Variants in SEC22C observed in about 807,000 individuals in gnomAD.
SEC22C encodes the protein SEC22 homolog C, vesicle trafficking protein.
Under a neutral mutation model 34.7 loss-of-function variants are expected in SEC22C, and 29 were observed. The observed-to-expected ratio is 0.84, with a 90% CI of 0.62 to 1.14. The LOEUF (loss-of-function observed/expected upper bound fraction) is 1.14, where lower values mean the gene tolerates loss of function less well. SEC22C is among the 50% of genes most tolerant of loss of function. SEC22C has a pLI of 0.00. For missense variants in SEC22C, 337 were observed against 369.0 expected (o/e 0.91, Z 0.71); for synonymous variants, 117 against 132.8 (o/e 0.88, Z 0.82).
intron 1 of SEC22C, among the ~76,000 whole-genome samples, chr3:42,580,805 TA>T (rs1704289196): frequency 1.3e-5 from 2 of 152,214 alleles, no homozygotes; most frequent in Non-Finnish European, 2.9e-5. Flanking sequence ...TCCCTTTCTC[TA>T]AAATAATTTC....
intron 4 of SEC22C, among the ~76,000 whole-genome samples, chr3:42,558,359 A>AT (rs1702666638): frequency 1.3e-5 from 2 of 151,318 alleles, no homozygotes; most frequent in Admixed American, 1.3e-4. Flanking sequence ...ATGGTGACGC[A>AT]TACCTGTAGT....
upstream of SEC22C, among the ~76,000 whole-genome samples, chr3:42,583,619 T>C (rs1350694208): frequency 1.3e-5 from 2 of 152,166 alleles, no homozygotes; most frequent in African/African-American, 2.4e-5. Context: ...TGGGGGAACA[T>C]TACTTCTGGG....
chr3:42,594,287 C>T (rs1402130248), intron 1 of SEC22C: 11 of 649,458 alleles, frequency 1.7e-5, no homozygotes, highest in Non-Finnish European at 2.2e-5. Context: ...ATATGTTAAA[C>T]AAGAAGGTTG....
rs1017126577 is a variant in SEC22C at position 42,552,652 on chromosome 3, C to T, written c.*596G>A. ...CATTTTCTCAGCTTAAGTTTGCCCT[C>T]ACCCTAAATGAAGTCCAATTTATAT... On this transcript the variant is annotated 3_prime_UTR_variant, in exon 7 of 7. Coordinates refer to ENST00000264454, the MANE Select transcript of SEC22C (RefSeq NM_032970.4). The T allele has an allele frequency of 1.0e-6, 1 of 983,970 alleles. No homozygotes were observed. Among genetic ancestry groups the T allele is most frequent in the Non-Finnish European group, 1.2e-6 (1 of 828,712 alleles). 61.0% of individuals were successfully genotyped at this position (983,970 alleles called of 1,614,324 possible).
At chr3:42,570,322 C>G (rs1225874056) in intron 1 of SEC22C, among the ~76,000 whole-genome samples, 1 of 152,178 alleles carries the variant, frequency 6.6e-6, no homozygotes, top group Non-Finnish European at 1.5e-5. Context: ...GCTAGAAGTA[C>G]TTTCTCCCTC....
chr3:42,550,252 T>C lies in SEC22C; in HGVS notation c.*2996A>G, dbSNP rs1702183143. 1.0e-6 allele frequency: 1 copy of C among 985,356 alleles called. No individual in the cohort carries two copies. Among genetic ancestry groups the C allele is most frequent in the Non-Finnish European group, 1.2e-6 (1 of 829,952 alleles). The allele number at this position is 985,356 out of a possible 1,614,324, so 61.0% of individuals were successfully genotyped here. ...CTAAAGTTTTGTTTTCAACATTATT[T>C]CATCTATTCCCAGATCTAGTCCAGT... is the stretch of plus-strand genomic sequence containing the variant. On this transcript the variant is annotated 3_prime_UTR_variant, in exon 7 of 7. Coordinates refer to ENST00000264454, the MANE Select transcript of SEC22C (RefSeq NM_032970.4).
chr3:42,560,005 T>G (rs1702776039), intron 4 of SEC22C, among the ~76,000 whole-genome samples: 1 of 151,660 alleles, frequency 6.6e-6, no homozygotes, highest in African/African-American at 2.4e-5. Flanking sequence ...TCCAGCCCCC[T>G]GTCCAACGCT....
At chr3:42,565,934 A>C in intron 2 of SEC22C, 2 of 453,734 alleles carry the variant, frequency 4.4e-6, no homozygotes, top group South Asian at 3.2e-5. Flanking sequence ...GTAAATATTT[A>C]ATTCAAAATT....
upstream of SEC22C, among the ~76,000 whole-genome samples, chr3:42,584,152 A>G (rs543408753): frequency 9.8e-5 from 15 of 152,342 alleles, no homozygotes; most frequent in East Asian, 2.9e-3. Flanking sequence ...TTGTAGATAT[A>G]TAGATATCAC....
At chr3:42,562,125 T>C (rs1238619149) in intron 3 of SEC22C, among the ~76,000 whole-genome samples, 1 of 152,230 alleles carries the variant, frequency 6.6e-6, no homozygotes, top group East Asian at 1.9e-4. Flanking sequence ...ATCTGAACAG[T>C]TCTTGAAGTT....
chr3:42,571,563 T>G (rs1192973697), intron 1 of SEC22C, among the ~76,000 whole-genome samples: 1 of 152,214 alleles, frequency 6.6e-6, no homozygotes, highest in Non-Finnish European at 1.5e-5. Context: ...ATCCTTGACA[T>G]TATTTTCCTT....
intron 4 of SEC22C, among the ~76,000 whole-genome samples, chr3:42,559,808 A>G (rs1229028906): frequency 9.9e-5 from 15 of 152,208 alleles, no homozygotes; most frequent in Admixed American, 9.8e-4. Flanking sequence ...GCAAAAAATC[A>G]TACTTTGTTA....
At chr3:42,569,212 C>A (rs143868051) in intron 1 of SEC22C, 139 bp from the exon 2 acceptor site, 2 of 625,134 alleles carry the variant, frequency 3.2e-6, no homozygotes, top group Admixed American at 2.9e-5. Context: ...TGTTATTTCC[C>A]TGGCCTCTAC....
Position 42,569,042 on chromosome 3 carries a change from G to C in SEC22C, c.5C>G (p.Ser2Cys). The C allele has an allele frequency of 1.2e-6, 2 of 1,613,652 alleles. No homozygotes were observed. The highest frequency in any genetic ancestry group is 1.7e-6 in the Non-Finnish European group (2 of 1,179,810). M[S>C]VIFFACVVRV... ...TACCACGCAGGCAAAAAAGATCACG[G>C]ACATGGTCCACAAGAGAAGTCATGA... The change falls in exon 2 of 7, where the codon TCC becomes TGC. Residue 2 changes from serine (S) to cysteine (C), a missense_variant. Coordinates refer to ENST00000264454, the MANE Select transcript of SEC22C (RefSeq NM_032970.4).
At chr3:42,573,396 A>G in intron 1 of SEC22C, 1 of 152,286 alleles carries the variant, frequency 6.6e-6, no homozygotes, top group East Asian at 1.9e-4. Context: ...ATGGTGGCAC[A>G]CACCTGTAGT....
intron 4 of SEC22C, 48 bp from the exon 5 acceptor site, chr3:42,557,744 T>C: frequency 1.1e-6 from 1 of 930,876 alleles, no homozygotes; most frequent in South Asian, 1.4e-5. Flanking sequence ...AATTTCTACA[T>C]GAAAGAAAAA....
At chr3:42,565,750 GTAGAGGGAACA>G in intron 2 of SEC22C, 1 of 374,274 alleles carries the variant, frequency 2.7e-6, no homozygotes, top group South Asian at 2.0e-5. Context: ...CTTAAAGTTT[GTAGAGGGAACA>G]TGGCCCTGCG....
intron 1 of SEC22C, among the ~76,000 whole-genome samples, chr3:42,569,947 G>T (rs2125714008): frequency 6.6e-6 from 1 of 152,276 alleles, no homozygotes; most frequent in East Asian, 1.9e-4. Flanking sequence ...GTACATCTGT[G>T]AGTGGCAGCC....
At chr3:42,557,846 G>A (rs772868418) in intron 4 of SEC22C, 150 bp from the exon 5 acceptor site, 5 of 484,750 alleles carry the variant, frequency 1.0e-5, no homozygotes, top group Non-Finnish European at 1.9e-5. Flanking sequence ...AGCAGCAGAA[G>A]TTAGAGGGAA....
Sources: gnomAD v4.1 joint callset for allele counts (sites outside exome capture counted in the v4.1 genomes callset) on GRCh38, gnomAD v4.1.1 for gene constraint, MANE v1.5 for transcripts, NCBI Gene and HGNC (gene_info 2026-07-23, HGNC 2026-07-21) for gene names.